Variants in DDR2 observed in about 807,000 individuals in gnomAD.
DDR2 encodes the protein discoidin domain-containing receptor 2.
DDR2 carries 27 observed loss-of-function variants against 94.9 expected under a neutral mutation model. That is an observed-to-expected ratio of 0.28 (90% CI 0.21 to 0.39). DDR2 has a LOEUF of 0.39. Among genes scored for constraint, DDR2 ranks in the 10% least tolerant of loss-of-function variants. The pLI, the probability that DDR2 is intolerant of heterozygous loss-of-function variation, is 1.00. For synonymous variants in DDR2, 382 were observed against 377.2 expected, an observed-to-expected ratio of 1.01 and a Z score of -0.15; for missense variants, 783 against 1,076.0, an observed-to-expected ratio of 0.73 and a Z score of 3.81.
chr1:162,646,786 C>T (rs997672604), intron 1 of DDR2, among the ~76,000 whole-genome samples: 19 of 152,276 alleles, frequency 1.2e-4, no homozygotes, highest in African/African-American at 4.1e-4. Context: ...GATGCCACTC[C>T]GAATTTACTG....
intron 2 of DDR2, among the ~76,000 whole-genome samples, chr1:162,698,300 T>C (rs1038933728): frequency 1.3e-5 from 2 of 152,148 alleles, no homozygotes; most frequent in Non-Finnish European, 2.9e-5. Context: ...GACGCCCTCC[T>C]TACCAGAGTC....
At chr1:162,757,944 C>T (rs767819590) in intron 7 of DDR2, among the ~76,000 whole-genome samples, 2 of 152,114 alleles carry the variant, frequency 1.3e-5, no homozygotes, top group Non-Finnish European at 2.9e-5. Context: ...ATGGGGATGA[C>T]ATTTATTTAT....
chr1:162,665,252 A>G (rs1373684943), intron 2 of DDR2, among the ~76,000 whole-genome samples: 5 of 152,244 alleles, frequency 3.3e-5, no homozygotes, highest in Non-Finnish European at 7.3e-5. Context: ...AGCCTCTTTT[A>G]ACATAAGGCT....
chr1:162,761,336 C>G lies in DDR2; in HGVS notation c.981C>G (p.Val327=), dbSNP rs2102155594. 4 of 1,614,192 alleles carry G rather than the reference C, an allele frequency of 2.5e-6. No individual in the cohort carries two copies. Among genetic ancestry groups the G allele is most frequent in the Non-Finnish European group, 3.4e-6 (4 of 1,180,034 alleles). Residue 327 remains valine, a synonymous_variant, in exon 9 of 18, where the codon GTC becomes GTG. Transcript: ENST00000367921. Reference sequence around the variant, plus strand: ...CCTTCCCCCTTGTCCTGGATGACGTCAACCCCAGTGCTCGGTTTGTCACGG... The same window carrying G: ...CCTTCCCCCTTGTCCTGGATGACGTGAACCCCAGTGCTCGGTTTGTCACGG... ...AISFPLVLDD[V]NPSARFVTVP... is the part of the protein sequence containing the mutation.
At chr1:162,773,123 T>A (rs1647316116) in intron 13 of DDR2, among the ~76,000 whole-genome samples, 1 of 152,242 alleles carries the variant, frequency 6.6e-6, no homozygotes, top group East Asian at 1.9e-4. Flanking sequence ...ACGTTTTACA[T>A]GATCCAGTGA....
chr1:162,769,824 TATTATCCTAATC>T (rs1664177383), intron 11 of DDR2, among the ~76,000 whole-genome samples: 1 of 152,218 alleles, frequency 6.6e-6, no homozygotes, highest in Non-Finnish European at 1.5e-5. Flanking sequence ...CAGTGGTGGG[TATTATCCTAATC>T]TAGGGTATCA....
At chr1:162,687,227 G>T (rs540126385) in intron 2 of DDR2, among the ~76,000 whole-genome samples, 1 of 152,224 alleles carries the variant, frequency 6.6e-6, no homozygotes, top group South Asian at 2.1e-4. Context: ...GAAGAAAGAG[G>T]AGGCAAGGCA....
rs553115471 is a variant in DDR2 at position 162,717,224 on chromosome 1, C to T, written c.-27-1813C>T. Among the ~76,000 whole-genome samples the T allele has an allele frequency of 7.9e-5, 12 of 152,090 alleles. No homozygotes were observed. The South Asian group carries it at 1.9e-3, about 24-fold the overall frequency. On this transcript the variant is annotated intron_variant, in intron 2 of 17. Transcript: ENST00000367921. ...CTAATTTTTGTATTTCTAACAGAGACGGGGTTTCACCATGATGGCCAGGCT... is the reference window on the plus strand; with the variant it reads ...CTAATTTTTGTATTTCTAACAGAGATGGGGTTTCACCATGATGGCCAGGCT...
At chr1:162,761,103 A>G in intron 8 of DDR2, 108 bp from the exon 9 acceptor site, 2 of 1,512,624 alleles carry the variant, frequency 1.3e-6, no homozygotes, top group Non-Finnish European at 1.8e-6. Context: ...ACCTCAGTTC[A>G]GAATAGCTCG....
At chr1:162,767,168 C>T (rs540525221) in intron 10 of DDR2, 61 bp from the exon 11 acceptor site, 1 of 1,612,814 alleles carries the variant, frequency 6.2e-7, no homozygotes, top group Non-Finnish European at 8.5e-7. Context: ...AGTTCAGTCC[C>T]TCATACTTTT....
intron 3 of DDR2, among the ~76,000 whole-genome samples, chr1:162,723,237 T>A (rs1661500295): frequency 6.6e-6 from 1 of 151,922 alleles, no homozygotes; most frequent in Non-Finnish European, 1.5e-5. Context: ...GTGAGGAACA[T>A]TTGGGGCTCC....
chr1:162,711,739 C>T (rs1411215963), intron 2 of DDR2, among the ~76,000 whole-genome samples: 5 of 152,050 alleles, frequency 3.3e-5, no homozygotes, highest in Non-Finnish European at 7.3e-5. Flanking sequence ...AAAGGTGTTT[C>T]TCTTCATATC....
At chr1:162,772,292 G>A in intron 13 of DDR2, 45 bp downstream of exon 13, 17 of 1,589,836 alleles carry the variant, frequency 1.1e-5, no homozygotes, top group Non-Finnish European at 1.5e-5. Flanking sequence ...GAAGGTGGTT[G>A]GATAAAAATG....
At chr1:162,673,004 A>G (rs1278826485) in intron 2 of DDR2, among the ~76,000 whole-genome samples, 1 of 152,186 alleles carries the variant, frequency 6.6e-6, no homozygotes, top group Non-Finnish European at 1.5e-5. Flanking sequence ...ATTTTTCCTG[A>G]ATCATTGCAC....
chr1:162,775,039 C>T (rs772021877), intron 14 of DDR2, among the ~76,000 whole-genome samples: 1 of 152,142 alleles, frequency 6.6e-6, no homozygotes, highest in Admixed American at 6.5e-5. Flanking sequence ...AATTATTAGT[C>T]TTGGTCAAAT....
intron 3 of DDR2, among the ~76,000 whole-genome samples, chr1:162,736,595 T>G (rs1662310957): frequency 6.6e-6 from 1 of 152,216 alleles, no homozygotes; most frequent in Non-Finnish European, 1.5e-5. Flanking sequence ...TCTAAATGGA[T>G]GTCATCATTA....
chr1:162,741,498 C>A, intron 3 of DDR2: 1 of 751,784 alleles, frequency 1.3e-6, no homozygotes, highest in Non-Finnish European at 1.6e-6. Context: ...ACTCTGCCAA[C>A]TACATAGGGT....
intron 2 of DDR2, among the ~76,000 whole-genome samples, chr1:162,656,977 A>G (rs1658017393): frequency 6.6e-6 from 1 of 151,012 alleles, no homozygotes. Flanking sequence ...CAGCCTCCCA[A>G]GTAGCTGGAA....
At chr1:162,746,123 C>T (rs544558537) in intron 3 of DDR2, among the ~76,000 whole-genome samples, 13 of 152,238 alleles carry the variant, frequency 8.5e-5, no homozygotes, top group Non-Finnish European at 1.6e-4. Flanking sequence ...TGGGACTTGT[C>T]GGAAAGTGGG....
Sources: allele counts gnomAD v4.1 joint callset (sites outside exome capture counted in the v4.1 genomes callset), GRCh38; gene constraint gnomAD v4.1.1; transcripts MANE v1.5; gene names NCBI Gene and HGNC (gene_info 2026-07-23, HGNC 2026-07-21).